The following LARGE1 variants were observed in gnomAD, a reference collection of about 807,000 sequenced individuals.
LARGE1 encodes the protein xylosyl- and glucuronyltransferase LARGE1.
Under a neutral mutation model 87.6 loss-of-function variants are expected in LARGE1, and 43 were observed. The observed-to-expected ratio is 0.49, with a 90% CI of 0.38 to 0.63. LARGE1 has a LOEUF of 0.63. Among genes scored for constraint, LARGE1 ranks in the 30% least tolerant of loss-of-function variants. The probability of loss-of-function intolerance (pLI) is 0.00; values close to 1 mark genes in which losing one functional copy is unlikely to be tolerated. For synonymous variants in LARGE1, 434 were observed against 394.6 expected, an observed-to-expected ratio of 1.10 and a Z score of -1.18; for missense variants, 802 against 1,000.2, an observed-to-expected ratio of 0.80 and a Z score of 2.67.
intron 3 of LARGE1, among the ~76,000 whole-genome samples, chr22:33,632,736 T>A (rs139071197): frequency 6.6e-6 from 1 of 152,064 alleles, no homozygotes; most frequent in African/African-American, 2.4e-5. Context: ...ACTTGTCCTG[T>A]TGGCTGGAAA....
At chr22:33,290,909 C>A (rs961679385) in intron 12 of LARGE1, among the ~76,000 whole-genome samples, 2 of 151,886 alleles carry the variant, frequency 1.3e-5, no homozygotes, top group Admixed American at 1.3e-4. Context: ...TGTGGTGGTG[C>A]GTGTCTATAA....
intron 9 of LARGE1, among the ~76,000 whole-genome samples, chr22:33,361,766 C>CCTCTTTAGAGTCCCTT (rs2064397307): frequency 6.7e-6 from 1 of 149,328 alleles, no homozygotes; most frequent in Non-Finnish European, 1.5e-5. Context: ...TAGAGTCCCT[C>CCTCTTTAGAGTCCCTT]CTCTTGCTCT....
chr22:33,365,683 C>T (rs1051644735), intron 9 of LARGE1, among the ~76,000 whole-genome samples: 3 of 150,022 alleles, frequency 2.0e-5, no homozygotes, highest in Admixed American at 6.7e-5. Flanking sequence ...GGCACAATCT[C>T]GGCTCACTGC....
At chr22:33,407,036 A>G (rs984412193) in intron 7 of LARGE1, among the ~76,000 whole-genome samples, 3 of 151,888 alleles carry the variant, frequency 2.0e-5, no homozygotes, top group Admixed American at 2.0e-4. Context: ...CAGGTGATCC[A>G]CTCACCTCAG....
At chr22:33,324,203 T>C (rs1463217755) in intron 10 of LARGE1, among the ~76,000 whole-genome samples, 2 of 114,174 alleles carry the variant, frequency 1.8e-5, no homozygotes, top group Non-Finnish European at 3.2e-5. Context: ...CACTCCAGTC[T>C]GGGCAACAGA....
rs530979134 is a variant in LARGE1, at chr22:33,840,446, G to C, written c.-82-78888C>G. Among the ~76,000 whole-genome samples, 9 of 152,172 alleles carry C rather than the reference G, an allele frequency of 5.9e-5. No homozygotes were observed. In the South Asian group the frequency reaches 1.0e-3, roughly 18 times the overall value. On this transcript the variant is annotated intron_variant, in intron 1 of 14. Coordinates refer to ENST00000397394, the MANE Select transcript of LARGE1 (RefSeq NM_133642.5). The stretch of plus-strand genomic sequence containing the variant: ...TTGGCAAAATACTGAGAGTAATATA[G>C]TTTAATCTCTATTAGCTTGGAGCTG...
At chr22:33,339,211 A>C (rs1938865879) in intron 9 of LARGE1, among the ~76,000 whole-genome samples, 1 of 151,750 alleles carries the variant, frequency 6.6e-6, no homozygotes, top group Non-Finnish European at 1.5e-5. Flanking sequence ...TGATCAGAGA[A>C]GCATCAAAGA....
intron 6 of LARGE1, among the ~76,000 whole-genome samples, chr22:33,511,271 G>C (rs2071043039): frequency 1.3e-5 from 2 of 152,108 alleles, no homozygotes; most frequent in South Asian, 4.2e-4. Flanking sequence ...CCTTGAGGTG[G>C]GGTAATCTGG....
intron 5 of LARGE1, among the ~76,000 whole-genome samples, chr22:33,567,785 C>T (rs1222167363): frequency 6.6e-6 from 1 of 152,078 alleles, no homozygotes; most frequent in African/African-American, 2.4e-5. Flanking sequence ...TTTGGAGACC[C>T]CAGTGTCTAT....
At chr22:33,150,955 T>C in the LARGE1 span, among the ~76,000 whole-genome samples, 21 of 152,172 alleles carry the variant, frequency 1.4e-4, no homozygotes, top group Admixed American at 9.2e-4. Flanking sequence ...AATATAAATT[T>C]CCGAATCAGC....
the LARGE1 span, among the ~76,000 whole-genome samples, chr22:33,096,411 A>G: frequency 7.2e-6 from 1 of 139,412 alleles, no homozygotes; most frequent in African/African-American, 2.8e-5. Flanking sequence ...CCTAAACTCC[A>G]TCTCAAAAAA....
intron 6 of LARGE1, among the ~76,000 whole-genome samples, chr22:33,506,554 G>T (rs1268878552): frequency 2.0e-5 from 3 of 152,196 alleles, no homozygotes; most frequent in Admixed American, 6.5e-5. Context: ...AAGTGGAGGA[G>T]GATTCTGTCT....
intron 6 of LARGE1, among the ~76,000 whole-genome samples, chr22:33,533,375 C>T (rs570493622): frequency 8.5e-5 from 13 of 152,280 alleles, no homozygotes; most frequent in Admixed American, 3.9e-4. Context: ...GGGTTCCATT[C>T]GAGCACCTTC....
chr22:33,158,146 A>G (rs1921925134), downstream of LARGE1, among the ~76,000 whole-genome samples: 1 of 152,198 alleles, frequency 6.6e-6, no homozygotes, highest in South Asian at 2.1e-4. Context: ...AAATGAAATT[A>G]TACTACATTG....
At chr22:33,898,094 A>G (rs965304862) in intron 1 of LARGE1, among the ~76,000 whole-genome samples, 3 of 152,198 alleles carry the variant, frequency 2.0e-5, no homozygotes, top group Non-Finnish European at 4.4e-5. Flanking sequence ...AAGGTACCCA[A>G]CAATTACCAA....
At chr22:33,845,804 C>T (rs1429681526) in intron 1 of LARGE1, among the ~76,000 whole-genome samples, 1 of 152,150 alleles carries the variant, frequency 6.6e-6, no homozygotes, top group East Asian at 1.9e-4. Flanking sequence ...TACTCATTCC[C>T]ATGACTCCCT....
chr22:33,598,924 T>C (rs553051180), intron 5 of LARGE1, among the ~76,000 whole-genome samples: 2 of 152,320 alleles, frequency 1.3e-5, no homozygotes, highest in East Asian at 3.9e-4. Flanking sequence ...GTAGTTCTGG[T>C]TCTAGATTCT....
rs56236034 is a variant in LARGE1, at chr22:33,719,497, A to ATATTTATTTATT, written c.106+41862_106+41873dup. On this transcript the variant is annotated intron_variant, in intron 2 of 14. Coordinates refer to ENST00000397394, the MANE Select transcript of LARGE1 (RefSeq NM_133642.5). ...CCTATACAGGTATGCCATCTATACCATATTTATTTATTTATTTATTTATTT... is the reference window on the plus strand; with the variant it reads ...CCTATACAGGTATGCCATCTATACCATATTTATTTATTTATTTATTTATTTATTTATTTATTT... 4.0e-3 allele frequency among the ~76,000 whole-genome samples: 585 copies of ATATTTATTTATT among 145,194 alleles called. 3 individuals carry two copies. Among genetic ancestry groups the ATATTTATTTATT allele is most frequent in the Middle Eastern group, 7.0e-3 (2 of 286 alleles).
intron 6 of LARGE1, among the ~76,000 whole-genome samples, chr22:33,509,463 T>A (rs938956122): frequency 2.0e-5 from 3 of 152,128 alleles, no homozygotes; most frequent in Non-Finnish European, 2.9e-5. Context: ...TTTTATTTTT[T>A]TTTTAAGAGA....
Sources: allele counts gnomAD v4.1 joint callset (sites outside exome capture counted in the v4.1 genomes callset), GRCh38; gene constraint gnomAD v4.1.1; transcripts MANE v1.5; gene names NCBI Gene and HGNC (gene_info 2026-07-23, HGNC 2026-07-21).